The following EDIL3 variants were observed in gnomAD, a reference collection of about 807,000 sequenced individuals.
EDIL3 encodes the protein EGF like and discoidin domains 3.
Under a neutral mutation model 67.4 loss-of-function variants are expected in EDIL3, and 37 were observed. The ratio of observed to expected loss-of-function variants is 0.55; its 90% CI spans 0.42 to 0.72. The LOEUF (loss-of-function observed/expected upper bound fraction) is 0.72. EDIL3 is among the 30% of genes least tolerant of loss of function. EDIL3 has a pLI of 0.00. For synonymous variants in EDIL3, 195 were observed against 196.3 expected, an observed-to-expected ratio of 0.99 and a Z score of 0.05; for missense variants, 527 against 586.3, an observed-to-expected ratio of 0.90 and a Z score of 1.04.
At chr5:84,072,725 A>G (rs1185842618) in intron 6 of EDIL3, among the ~76,000 whole-genome samples, 1 of 152,210 alleles carries the variant, frequency 6.6e-6, no homozygotes, top group Admixed American at 6.5e-5. Context: ...ATCTATAAAT[A>G]GGCATCTAAG....
intron 9 of EDIL3, among the ~76,000 whole-genome samples, chr5:83,998,021 C>G (rs2112166192): frequency 6.6e-6 from 1 of 152,180 alleles, no homozygotes; most frequent in South Asian, 2.1e-4. Context: ...AGCTAAAGTA[C>G]TCTGGGATCC....
intron 1 of EDIL3, 91 bp from the exon 2 acceptor site, chr5:84,254,303 G>A: frequency 5.0e-6 from 7 of 1,393,284 alleles, no homozygotes; most frequent in Non-Finnish European, 6.7e-6. Context: ...TGTTCCCTTG[G>A]CAAAGTCAAA....
At chr5:83,983,252 G>A (rs549222064) in intron 9 of EDIL3, among the ~76,000 whole-genome samples, 21 of 152,154 alleles carry the variant, frequency 1.4e-4, no homozygotes, top group Middle Eastern at 3.4e-3. Flanking sequence ...GCTAGATTTC[G>A]TGCTCCTTGA....
chr5:84,255,110 G>A (rs1325958374), intron 1 of EDIL3, among the ~76,000 whole-genome samples: 1 of 152,114 alleles, frequency 6.6e-6, no homozygotes, highest in Non-Finnish European at 1.5e-5. Context: ...ATAAAGAGAT[G>A]AGCTAAATAA....
At chr5:84,340,403 G>A (rs1345267562) in intron 1 of EDIL3, among the ~76,000 whole-genome samples, 3 of 150,198 alleles carry the variant, frequency 2.0e-5, no homozygotes, top group Non-Finnish European at 4.4e-5. Context: ...GAGGATATGA[G>A]GTTTAAATTA....
At chr5:84,078,330 T>A (rs1746901225) in intron 6 of EDIL3, among the ~76,000 whole-genome samples, 1 of 152,048 alleles carries the variant, frequency 6.6e-6, no homozygotes, top group Non-Finnish European at 1.5e-5. Flanking sequence ...ACAATAAATA[T>A]ACTCTCTAAG....
chr5:84,274,139 C>T lies in EDIL3; in HGVS notation c.68-19927G>A, dbSNP rs1745529004. Among the ~76,000 whole-genome samples, 3 of 152,254 alleles carry T rather than the reference C, an allele frequency of 2.0e-5. No homozygotes were observed. In the South Asian group the frequency reaches 6.2e-4, roughly 32 times the overall value. ...TATTTCTTTTAGAGACAGCGTCTTG[C>T]TCTGTCACCCAGGCTGGAGTTCAGT... On this transcript the variant is annotated intron_variant, in intron 1 of 10. Transcript: ENST00000296591.
intron 1 of EDIL3, among the ~76,000 whole-genome samples, chr5:84,363,728 C>A (rs1362138865): frequency 6.6e-6 from 1 of 151,930 alleles, no homozygotes; most frequent in Non-Finnish European, 1.5e-5. Flanking sequence ...ACAATTTTTT[C>A]ATGATGGTGA....
At chr5:84,141,952 G>GATCTATCT (rs70975543) in intron 4 of EDIL3, among the ~76,000 whole-genome samples, 20,129 of 108,126 alleles carry the variant, frequency 0.19, 2,253 homozygotes, top group Middle Eastern at 0.23. Context: ...TATATACATA[G>GATCTATCT]ATCTATCTAT....
intron 1 of EDIL3, among the ~76,000 whole-genome samples, chr5:84,355,951 G>C (rs989507527): frequency 6.6e-6 from 1 of 152,148 alleles, no homozygotes; most frequent in South Asian, 2.1e-4. Flanking sequence ...CCCCTGACTT[G>C]GGCTGCTGCC....
At chr5:84,193,592 C>T (rs1198814443) in intron 3 of EDIL3, among the ~76,000 whole-genome samples, 2 of 151,666 alleles carry the variant, frequency 1.3e-5, no homozygotes, top group African/African-American at 4.8e-5. Flanking sequence ...TTAGAGGTAA[C>T]ATAAGGAAAA....
chr5:84,065,888 G>C (rs577220269), intron 7 of EDIL3, among the ~76,000 whole-genome samples: 15 of 152,126 alleles, frequency 9.9e-5, no homozygotes, highest in African/African-American at 3.1e-4. Context: ...GGCTGAGACC[G>C]GTGGATAAGG....
rs974006061 is a variant in EDIL3 at position 84,101,812 on chromosome 5, T to C, written c.651+4837A>G. ...CGAGGAAGAGGGACTCCTTCCTAAC[T>C]CATTCTACAAGGCTAACATCATCCT... On this transcript the variant is annotated intron_variant, in intron 6 of 10. Transcript: ENST00000296591. 2.0e-5 allele frequency among the ~76,000 whole-genome samples: 3 copies of C among 152,172 alleles called. No individual in the cohort carries two copies. The South Asian group carries it at 6.2e-4, about 31-fold the overall frequency.
intron 5 of EDIL3, among the ~76,000 whole-genome samples, chr5:84,110,355 A>C (rs1455818066): frequency 2.0e-5 from 3 of 152,190 alleles, no homozygotes; most frequent in Non-Finnish European, 4.4e-5. Context: ...TATCCTATTA[A>C]ATTCAACAGT....
At chr5:84,299,484 G>T (rs970674381) in intron 1 of EDIL3, among the ~76,000 whole-genome samples, 1 of 152,112 alleles carries the variant, frequency 6.6e-6, no homozygotes, top group African/African-American at 2.4e-5. Context: ...TGTCATTAAA[G>T]CTTCTCCAGC....
chr5:84,182,939 T>C (rs1490121725), intron 3 of EDIL3, among the ~76,000 whole-genome samples: 2 of 152,184 alleles, frequency 1.3e-5, no homozygotes, highest in Non-Finnish European at 2.9e-5. Context: ...TTGCCAATAT[T>C]TGAGACAGGA....
chr5:84,118,854 A>T (rs1439486546), intron 5 of EDIL3, among the ~76,000 whole-genome samples: 1 of 152,146 alleles, frequency 6.6e-6, no homozygotes, highest in Non-Finnish European at 1.5e-5. Flanking sequence ...TACCAATTCA[A>T]TTAGAATGCC....
intron 10 of EDIL3, among the ~76,000 whole-genome samples, chr5:83,945,831 C>T (rs779048047): frequency 5.3e-5 from 8 of 151,768 alleles, no homozygotes; most frequent in Admixed American, 2.6e-4. Context: ...GAAAAACAGC[C>T]GAAATCTATA....
chr5:84,077,882 C>T (rs1160348731), intron 6 of EDIL3, among the ~76,000 whole-genome samples: 4 of 150,798 alleles, frequency 2.7e-5, no homozygotes, highest in Admixed American at 6.6e-5. Flanking sequence ...CATAGACACA[C>T]ACACAATGCA....
Sources: gnomAD v4.1 joint callset for allele counts (sites outside exome capture counted in the v4.1 genomes callset) on GRCh38, gnomAD v4.1.1 for gene constraint, MANE v1.5 for transcripts, NCBI Gene and HGNC (gene_info 2026-07-23, HGNC 2026-07-21) for gene names.